The following PRAG1 variants were observed in gnomAD, a reference collection of about 807,000 sequenced individuals.
The protein encoded by PRAG1 is PEAK1 related, kinase-activating pseudokinase 1.
In PRAG1, 110 loss-of-function variants were observed where a neutral mutation model predicts 95.6. The ratio of observed to expected loss-of-function variants is 1.15; its 90% CI spans 0.99 to 1.35. The LOEUF is 1.35. PRAG1 is among the 40% of genes most tolerant of loss of function. The pLI, the probability that PRAG1 is intolerant of heterozygous loss-of-function variation, is 0.00. For missense variants in PRAG1, 2,554 were observed against 1,864.7 expected (o/e 1.37, Z -6.81); for synonymous variants, 1,052 against 819.4 (o/e 1.28, Z -4.85).
intron 3 of PRAG1, among the ~76,000 whole-genome samples, chr8:8,348,471 G>A (rs1188681887): frequency 6.6e-6 from 1 of 152,036 alleles, no homozygotes; most frequent in Non-Finnish European, 1.5e-5. Context: ...ACATTCCTAG[G>A]CTTCTGGTTT....
intron 2 of PRAG1, 79 bp downstream of exon 2, chr8:8,381,339 C>G: frequency 7.0e-7 from 1 of 1,434,834 alleles, no homozygotes; most frequent in Non-Finnish European, 9.5e-7. Context: ...GAACAGCCCT[C>G]CCTGGCTGCC....
intron 3 of PRAG1, chr8:8,374,535 G>T: frequency 2.0e-6 from 1 of 500,158 alleles, no homozygotes; most frequent in Non-Finnish European, 2.6e-6. Flanking sequence ...CTGTAAATTG[G>T]GGCTGGCAAT....
intron 3 of PRAG1, among the ~76,000 whole-genome samples, chr8:8,356,188 T>C (rs553513222): frequency 6.6e-6 from 1 of 152,292 alleles, no homozygotes; most frequent in South Asian, 2.1e-4. Flanking sequence ...ACATCACTAA[T>C]CAGGGAAATG....
chr8:8,356,751 A>G (rs964690754), intron 3 of PRAG1, among the ~76,000 whole-genome samples: 1 of 152,214 alleles, frequency 6.6e-6, no homozygotes, highest in African/African-American at 2.4e-5. Context: ...GAAAAAGAAC[A>G]AAGTTGGAGG....
chr8:8,327,575 G>GA (rs922762230), intron 5 of PRAG1, 135 bp downstream of exon 5: 75 of 1,060,850 alleles, frequency 7.1e-5, no homozygotes, highest in Non-Finnish European at 8.6e-5. Flanking sequence ...TATCTTACAA[G>GA]AAAAAAAAGA....
chr8:8,342,268 A>AC (rs1421549010), intron 3 of PRAG1, among the ~76,000 whole-genome samples: 1 of 146,894 alleles, frequency 6.8e-6, no homozygotes, highest in Non-Finnish European at 1.5e-5. Flanking sequence ...ATCTTGGCTC[A>AC]TGCAAGCTAC....
At position 8,318,393 on chromosome 8, in the gene PRAG1, G is replaced by C. The variant is rs1332938229; in HGVS notation, c.3982C>G (p.Leu1328Val). The C allele has an allele frequency of 2.5e-6, 4 of 1,613,460 alleles. No individual in the cohort carries two copies. The Admixed American group carries it at 6.7e-5, about 27-fold the overall frequency. ...IGEAKRVLQC[L>V]LWGPRRELVQ... ...AGCTCGCGCCGAGGCCCCCACAGCA[G>C]GCACTGCAGCACGCGCTTGGCCTCG... The change falls in exon 6 of 6, where the codon CTG (leucine) becomes GTG (valine). Residue 1328 changes from leucine (L) to valine (V), a missense_variant. Coordinates refer to ENST00000615670, the MANE Select transcript of PRAG1 (RefSeq NM_001080826.3). This position sits in a 1 kb window ranked among gnomAD's most constrained non-coding sequence, Gnocchi z 4.2.
chr8:8,345,349 A>T (rs984429689), intron 3 of PRAG1, among the ~76,000 whole-genome samples: 1 of 144,602 alleles, frequency 6.9e-6, no homozygotes, highest in African/African-American at 2.6e-5. Flanking sequence ...TAAGCAACAT[A>T]GTGAGACCCT....
chr8:8,327,974 A>C lies in PRAG1; in HGVS notation c.2808T>G (p.Leu936=). 1 of 1,602,742 alleles carries C rather than the reference A, an allele frequency of 6.2e-7. No individual in the cohort carries two copies. Among genetic ancestry groups the C allele is most frequent in the East Asian group, 2.2e-5 (1 of 44,722 alleles). ...TGTTGCTCAGGAGACCGTGCAGCTG[A>C]AGCTGGGTGCTCCCGGTGGAGGCTT... is the stretch of plus-strand genomic sequence containing the variant. The part of the protein sequence containing the change: ...SSQASTGSTQ[L]QLHGLLSNIS... The change falls in exon 5 of 6, where the codon CTT becomes CTG. Residue 936 remains leucine, a synonymous_variant. Transcript: ENST00000615670.
rs781419218 is a variant in PRAG1, at chr8:8,318,083, G to T, written c.*71C>A. 75 of 1,461,150 alleles carry T rather than the reference G, an allele frequency of 5.1e-5. No individual in the cohort carries two copies. Among genetic ancestry groups the T allele is most frequent in the Admixed American group, 7.2e-5 (3 of 41,482 alleles). The allele number at this position is 1,461,150 out of a possible 1,614,324, so 90.5% of individuals were successfully genotyped here. A position where few individuals can be genotyped will look rare whatever the true frequency, so the allele number is the denominator to read the frequency against. ...CTGTACCATTTCCCAGGGAGACATG[G>T]GTGCTTCCAAGGCGAGACAGGAAAG... On this transcript the variant is annotated 3_prime_UTR_variant, in exon 6 of 6. Transcript: ENST00000615670. This position sits in a 1 kb window ranked among gnomAD's most constrained non-coding sequence, Gnocchi z 4.2.
Position 8,376,296 on chromosome 8 carries a change from T to C in PRAG1, c.2113A>G (p.Arg705Gly), listed in dbSNP as rs776171034. Residue 705 changes from arginine (R) to glycine (G), a missense_variant, in exon 3 of 6, where the codon AGA becomes GGA. Coordinates refer to ENST00000615670, the MANE Select transcript of PRAG1 (RefSeq NM_001080826.3). The stretch of plus-strand genomic sequence containing the variant: ...GGTGAGAATGTCTCAATCCCACTTC[T>C]GTCCTTGGGGAACTCAAAGGCAAAA... ...ASFAFEFPKD[R>G]SGIETFSPPP... 4.3e-6 allele frequency: 7 copies of C among 1,614,206 alleles called. No individual in the cohort carries two copies. The South Asian group carries it at 5.5e-5, about 13-fold the overall frequency.
chr8:8,381,163 TG>T lies in PRAG1; in HGVS notation c.330+254del, dbSNP rs538780070. 3.2e-3 allele frequency among the ~76,000 whole-genome samples: 489 copies of T among 152,348 alleles called. 2 individuals carry two copies. The highest frequency in any genetic ancestry group is 0.024 in the Middle Eastern group (7 of 294). On this transcript the variant is annotated intron_variant, in intron 2 of 5. Transcript: ENST00000615670. ...TTTTTTTTAAAAAAGCTTCATTTTT[TG>T]TCTGCCCTACACAGTCTGCAAATCA...
At chr8:8,366,104 T>C (rs1287705482) in intron 3 of PRAG1, among the ~76,000 whole-genome samples, 2 of 152,134 alleles carry the variant, frequency 1.3e-5, no homozygotes, top group African/African-American at 4.8e-5. Flanking sequence ...TAATGGGTAA[T>C]AAACTTAATA....
chr8:8,346,016 T>C (rs979315569), intron 3 of PRAG1, among the ~76,000 whole-genome samples: 3 of 152,296 alleles, frequency 2.0e-5, no homozygotes, highest in Middle Eastern at 3.4e-3. Flanking sequence ...GTGTGTAAAA[T>C]AGACTTCTTA....
chr8:8,329,309 C>T (rs1585223717), intron 4 of PRAG1, among the ~76,000 whole-genome samples: 5 of 152,136 alleles, frequency 3.3e-5, no homozygotes, highest in Admixed American at 3.3e-4. Context: ...AGGAGAATCG[C>T]TTGAGCCCGG....
In PRAG1 at chr8:8,318,110, G is replaced by C. The variant is rs139219847; in HGVS notation, c.*44C>G. The C allele has an allele frequency of 1.3e-6, 2 of 1,564,184 alleles. No homozygotes were observed. The highest frequency in any genetic ancestry group is 2.7e-5 in the African/African-American group (2 of 73,892). On this transcript the variant is annotated 3_prime_UTR_variant, in exon 6 of 6. Coordinates refer to ENST00000615670, the MANE Select transcript of PRAG1 (RefSeq NM_001080826.3). The surrounding 1 kb of genome is among the most constrained non-coding windows in gnomAD (Gnocchi z 4.2). ...TGCTTCCAAGGCGAGACAGGAAAGG[G>C]TTAGGCAGGGAAGGGGCAGCGACGG...
At chr8:8,360,521 C>T (rs896554201) in intron 3 of PRAG1, among the ~76,000 whole-genome samples, 1 of 152,178 alleles carries the variant, frequency 6.6e-6, no homozygotes, top group Non-Finnish European at 1.5e-5. Context: ...CACTTTCTGC[C>T]TTTGTCTTTC....
At chr8:8,320,088 G>A (rs73184311) in intron 5 of PRAG1, among the ~76,000 whole-genome samples, 30,375 of 152,172 alleles carry the variant, frequency 0.2, 3,588 homozygotes, top group Non-Finnish European at 0.28. Context: ...GGTCCCTGCC[G>A]AGCAACACAC....
intron 3 of PRAG1, among the ~76,000 whole-genome samples, chr8:8,346,628 C>A (rs1027886428): frequency 1.1e-4 from 16 of 152,230 alleles, no homozygotes; most frequent in Non-Finnish European, 1.6e-4. Flanking sequence ...TAGGAACAAG[C>A]CTCATCTAAA....
Sources: gnomAD v4.1 joint callset for allele counts (sites outside exome capture counted in the v4.1 genomes callset) on GRCh38, gnomAD v4.1.1 for gene constraint, Gnocchi (gnomAD v3.1) non-coding constraint, MANE v1.5 for transcripts, NCBI Gene and HGNC (gene_info 2026-07-23, HGNC 2026-07-21) for gene names.